Variants in CPA6 observed in about 807,000 individuals in gnomAD.
The protein encoded by CPA6 is carboxypeptidase B.
CPA6 carries 58 observed loss-of-function variants against 63.3 expected under a neutral mutation model. The ratio of observed to expected loss-of-function variants is 0.92; its 90% confidence interval spans 0.74 to 1.14. The LOEUF (loss-of-function observed/expected upper bound fraction) is 1.14. Ranked by LOEUF, CPA6 falls within the 50% of genes most tolerant of loss-of-function variation. The pLI is 0.00. For missense variants in CPA6, 565 were observed against 526.6 expected (o/e 1.07, Z -0.71); for synonymous variants, 185 against 179.0 (o/e 1.03, Z -0.27).
intron 2 of CPA6, among the ~76,000 whole-genome samples, chr8:67,570,672 A>G (rs551489372): frequency 6.6e-6 from 1 of 152,336 alleles, no homozygotes; most frequent in African/African-American, 2.4e-5. Context: ...TGATAACCAA[A>G]AAGCAAAAGT....
At chr8:67,731,770 T>C (rs1817709899) in intron 1 of CPA6, among the ~76,000 whole-genome samples, 1 of 151,902 alleles carries the variant, frequency 6.6e-6, no homozygotes. Flanking sequence ...CCTAAAGAGA[T>C]AGAAAAAAAG....
intron 1 of CPA6, among the ~76,000 whole-genome samples, chr8:67,629,468 A>G (rs1342089076): frequency 2.2e-5 from 3 of 135,766 alleles, no homozygotes; most frequent in Non-Finnish European, 3.1e-5. Context: ...TGACATAATG[A>G]GACCCTGTCT....
intron 2 of CPA6, among the ~76,000 whole-genome samples, chr8:67,576,122 G>A (rs576338190): frequency 6.6e-6 from 1 of 152,182 alleles, no homozygotes; most frequent in South Asian, 2.1e-4. Context: ...GCACAGCATG[G>A]TAAATACAGC....
chr8:67,725,835 T>A (rs1213987062), intron 1 of CPA6, among the ~76,000 whole-genome samples: 1 of 152,172 alleles, frequency 6.6e-6, no homozygotes, highest in Non-Finnish European at 1.5e-5. Context: ...TAAGCCACCA[T>A]GCTTGGCTAT....
chr8:67,602,742 G>A (rs1223703390), intron 2 of CPA6, among the ~76,000 whole-genome samples: 3 of 152,118 alleles, frequency 2.0e-5, no homozygotes, highest in South Asian at 4.1e-4. Flanking sequence ...TTAGCGCCTC[G>A]ACCGGATGTC....
rs1563967834 is a variant in CPA6 at position 67,475,864 on chromosome 8, TTTCTTTCTTTCTTTCTCCTTTC to T, written c.838+7882_838+7903del. 1.2e-4 allele frequency among the ~76,000 whole-genome samples: 12 copies of T among 99,536 alleles called. 2 individuals are homozygous for T. The highest frequency in any genetic ancestry group is 4.6e-4 in the African/African-American group (11 of 23,768). The allele number at this position is 99,536 out of a possible 152,430, so 65.3% of individuals were successfully genotyped here. ...CTTTCTTTCTTTCTTTCTTTCTTTC[TTTCTTTCTTTCTTTCTCCTTTC>T]TTTCTTTCTTTCTTTCTTTCTTTCT... On this transcript the variant is annotated intron_variant, in intron 8 of 10. Transcript: ENST00000297770.
chr8:67,633,680 CAAAA>C (rs35134242), intron 1 of CPA6, among the ~76,000 whole-genome samples: 2 of 112,076 alleles, frequency 1.8e-5, no homozygotes, highest in Non-Finnish European at 1.8e-5. Flanking sequence ...GACTCCGTCT[CAAAA>C]AAAAAAAAAA....
chr8:67,464,125 C>T (rs577902301), intron 8 of CPA6, among the ~76,000 whole-genome samples: 2 of 152,304 alleles, frequency 1.3e-5, no homozygotes, highest in South Asian at 4.1e-4. Context: ...TTTACATTCC[C>T]ACCACCAGTG....
intron 2 of CPA6, among the ~76,000 whole-genome samples, chr8:67,593,759 T>C (rs1388861591): frequency 6.7e-6 from 1 of 149,376 alleles, no homozygotes; most frequent in Non-Finnish European, 1.5e-5. Context: ...TCCATCCTTT[T>C]ATTTTGAGCC....
At chr8:67,682,414 C>T (rs1277189441) in intron 1 of CPA6, among the ~76,000 whole-genome samples, 1 of 152,148 alleles carries the variant, frequency 6.6e-6, no homozygotes, top group Non-Finnish European at 1.5e-5. Flanking sequence ...TCTCTACTTA[C>T]ATGTTTACTC....
intron 1 of CPA6, among the ~76,000 whole-genome samples, chr8:67,728,598 A>G (rs531541684): frequency 6.6e-5 from 10 of 152,372 alleles, no homozygotes; most frequent in Admixed American, 5.2e-4. Flanking sequence ...TACATTTCAG[A>G]TAATCCCCTT....
At chr8:67,694,659 G>A (rs1014331603) in intron 1 of CPA6, among the ~76,000 whole-genome samples, 4 of 152,212 alleles carry the variant, frequency 2.6e-5, no homozygotes. Context: ...GCCTCATGGG[G>A]AGTTCTCTAA....
At chr8:67,733,971 C>T (rs1817765205) in intron 1 of CPA6, among the ~76,000 whole-genome samples, 1 of 149,786 alleles carries the variant, frequency 6.7e-6, no homozygotes, top group Admixed American at 6.8e-5. Context: ...TTCTCCTGGG[C>T]TCAAGTGATC....
rs566519776 is a variant in CPA6, at chr8:67,698,717, T to C, written c.116+47297A>G. The stretch of plus-strand genomic sequence containing the variant: ...ATTTATAAGATCCTTGAGACAGTTA[T>C]GTATTTTTTAAACCCTTTTTGTCAC... On this transcript the variant is annotated intron_variant, in intron 1 of 10. Coordinates refer to ENST00000297770, the MANE Select transcript of CPA6 (RefSeq NM_020361.5). Among the ~76,000 whole-genome samples, 3 of 152,360 alleles carry C rather than the reference T, an allele frequency of 2.0e-5. No individual in the cohort carries two copies. The East Asian group carries it at 5.8e-4, about 29-fold the overall frequency.
intron 1 of CPA6, among the ~76,000 whole-genome samples, chr8:67,702,984 T>C (rs898682336): frequency 6.6e-6 from 1 of 152,188 alleles, no homozygotes; most frequent in African/African-American, 2.4e-5. Flanking sequence ...CCTGCCTCAG[T>C]CTCTCACTCT....
intron 1 of CPA6, among the ~76,000 whole-genome samples, chr8:67,710,445 C>T (rs981879023): frequency 1.6e-5 from 2 of 123,874 alleles, no homozygotes; most frequent in Non-Finnish European, 3.2e-5. Flanking sequence ...CTTTGCAGGG[C>T]CATTTCAAAA....
At chr8:67,526,780 G>C (rs1266620693) in intron 2 of CPA6, among the ~76,000 whole-genome samples, 1 of 151,974 alleles carries the variant, frequency 6.6e-6, no homozygotes, top group African/African-American at 2.4e-5. Flanking sequence ...TTTTTCTGTA[G>C]CATCAACACA....
At chr8:67,639,574 C>T (rs1024441532) in intron 1 of CPA6, among the ~76,000 whole-genome samples, 2 of 151,518 alleles carry the variant, frequency 1.3e-5, no homozygotes, top group Admixed American at 1.3e-4. Flanking sequence ...GGTGTGGTGC[C>T]CGGAAGCTTG....
intron 1 of CPA6, among the ~76,000 whole-genome samples, chr8:67,631,756 TA>T (rs1175354044): frequency 6.6e-6 from 1 of 152,172 alleles, no homozygotes; most frequent in Non-Finnish European, 1.5e-5. Context: ...TTATGAGCTG[TA>T]ACACTCACTG....
Sources: allele counts gnomAD v4.1 joint callset (sites outside exome capture counted in the v4.1 genomes callset), GRCh38; gene constraint gnomAD v4.1.1; transcripts MANE v1.5; gene names NCBI Gene and HGNC (gene_info 2026-07-23, HGNC 2026-07-21).